The following SH3RF2 variants were observed in gnomAD, a reference collection of about 807,000 sequenced individuals.
SH3RF2 encodes the protein E3 ubiquitin-protein ligase SH3RF2.
SH3RF2 carries 43 observed loss-of-function variants against 59.0 expected under a neutral mutation model. The observed-to-expected ratio is 0.73, with a 90% CI of 0.57 to 0.94. SH3RF2 has a LOEUF of 0.94. Ranked by LOEUF, SH3RF2 falls within the 40% of genes least tolerant of loss-of-function variation. SH3RF2 has a pLI of 0.00. For missense variants in SH3RF2, 930 were observed against 940.1 expected (o/e 0.99, Z 0.14); for synonymous variants, 391 against 391.5 (o/e 1.00, Z 0.01).
chr5:146,009,615 T>A (rs112588226), intron 4 of SH3RF2, among the ~76,000 whole-genome samples: 1 of 152,196 alleles, frequency 6.6e-6, no homozygotes, highest in African/African-American at 2.4e-5. Flanking sequence ...CTCTCTATCA[T>A]GTCAGAGCAC....
At chr5:146,016,423 A>G (rs1761109342) in intron 5 of SH3RF2, among the ~76,000 whole-genome samples, 2 of 150,686 alleles carry the variant, frequency 1.3e-5, no homozygotes, top group Non-Finnish European at 3.0e-5. Flanking sequence ...TGATACATAG[A>G]TAAATAGATA....
At chr5:145,994,581 G>A (rs992529015) in intron 2 of SH3RF2, among the ~76,000 whole-genome samples, 23 of 152,224 alleles carry the variant, frequency 1.5e-4, no homozygotes, top group Admixed American at 6.5e-4. Context: ...AAACAAAAGC[G>A]GAAACCCTTG....
intron 2 of SH3RF2, among the ~76,000 whole-genome samples, chr5:145,946,324 C>T (rs1052813968): frequency 6.6e-6 from 1 of 152,174 alleles, no homozygotes; most frequent in African/African-American, 2.4e-5. Flanking sequence ...ACAGGCAACT[C>T]ATCTTATCTC....
rs147787502 is a variant in SH3RF2 at position 146,056,180 on chromosome 5, T to C, written c.1522T>C (p.Ser508Pro). The C allele has an allele frequency of 3.5e-5, 57 of 1,613,890 alleles. No homozygotes were observed. The highest frequency in any genetic ancestry group is 1.6e-4 in the Middle Eastern group (1 of 6,084). ...TAGPGTLGQG[S>P]LRKGRSSMRK... ...CGGCCCTGGGACTTTAGGACAAGGG[T>C]CTCTTCGGAAAGGGCGGAGCAGCAT... The change falls in exon 8 of 10, where the codon TCT becomes CCT. Residue 508 changes from serine to proline, a missense_variant. By Grantham distance (74) the Ser-to-Pro change is moderately conservative (BLOSUM62 -1). Coordinates refer to ENST00000359120, the MANE Select transcript of SH3RF2 (RefSeq NM_152550.4).
chr5:145,965,783 A>T (rs181629118), intron 2 of SH3RF2, among the ~76,000 whole-genome samples: 140 of 152,366 alleles, frequency 9.2e-4, no homozygotes, highest in African/African-American at 3.3e-3. Flanking sequence ...GTGCGGTCTC[A>T]TCAGAGAGAT....
At chr5:145,972,300 G>A (rs1384263274) in intron 2 of SH3RF2, among the ~76,000 whole-genome samples, 3 of 152,102 alleles carry the variant, frequency 2.0e-5, no homozygotes, top group African/African-American at 7.2e-5. Flanking sequence ...GAAGAGGATG[G>A]GGAATATTCC....
chr5:146,073,667 T>TC (rs1763281933), intron 9 of SH3RF2, among the ~76,000 whole-genome samples: 1 of 152,202 alleles, frequency 6.6e-6, no homozygotes, highest in Non-Finnish European at 1.5e-5. Flanking sequence ...CATTTTTTTT[T>TC]CAACGGATAT....
intron 2 of SH3RF2, among the ~76,000 whole-genome samples, chr5:145,946,424 G>A (rs531067146): frequency 1.2e-4 from 18 of 152,222 alleles, no homozygotes; most frequent in African/African-American, 4.3e-4. Flanking sequence ...ACACAATCAT[G>A]CCTGTGGTAG....
At chr5:146,031,819 A>G (rs11742599) in intron 5 of SH3RF2, among the ~76,000 whole-genome samples, 45,379 of 152,104 alleles carry the variant, frequency 0.3, 7,948 homozygotes, top group Non-Finnish European at 0.39. Flanking sequence ...GGCAGCCACC[A>G]TCCAAGACTG....
chr5:146,074,850 G>A (rs1461548265), intron 9 of SH3RF2, among the ~76,000 whole-genome samples: 1 of 151,480 alleles, frequency 6.6e-6, no homozygotes, highest in East Asian at 1.9e-4. Context: ...GCATTTCAAA[G>A]CCCAGGCTAT....
chr5:145,993,194 C>T (rs1260217488), intron 2 of SH3RF2, among the ~76,000 whole-genome samples: 1 of 152,184 alleles, frequency 6.6e-6, no homozygotes, highest in Non-Finnish European at 1.5e-5. Context: ...CCAGATCACG[C>T]TAATGCAAGA....
intron 2 of SH3RF2, among the ~76,000 whole-genome samples, chr5:145,943,918 C>A (rs1757913747): frequency 1.3e-5 from 2 of 152,144 alleles, no homozygotes; most frequent in Admixed American, 1.3e-4. Context: ...TGTTTCATTT[C>A]CCCTTAGGAA....
intron 2 of SH3RF2, among the ~76,000 whole-genome samples, chr5:145,943,634 G>A (rs1351108770): frequency 6.6e-6 from 1 of 152,156 alleles, no homozygotes; most frequent in African/African-American, 2.4e-5. Flanking sequence ...AGTGATCAGG[G>A]TAATCCCTGC....
chr5:146,002,981 G>A (rs1760488940), intron 3 of SH3RF2, among the ~76,000 whole-genome samples: 2 of 152,204 alleles, frequency 1.3e-5, no homozygotes, highest in South Asian at 4.1e-4. Context: ...GTACCGCTGT[G>A]TAAGAGGAAG....
chr5:145,943,217 C>T (rs1757885318), intron 2 of SH3RF2, among the ~76,000 whole-genome samples: 1 of 147,620 alleles, frequency 6.8e-6, no homozygotes, highest in South Asian at 2.2e-4. Flanking sequence ...CAGAAACATG[C>T]AGGGATCTCC....
chr5:146,046,231 T>C (rs1715391836), intron 5 of SH3RF2, among the ~76,000 whole-genome samples: 1 of 152,138 alleles, frequency 6.6e-6, no homozygotes, highest in Non-Finnish European at 1.5e-5. Context: ...CACACATCAA[T>C]CCATAGACCA....
At chr5:145,955,840 G>T (rs894772807) in intron 2 of SH3RF2, among the ~76,000 whole-genome samples, 6 of 152,268 alleles carry the variant, frequency 3.9e-5, no homozygotes, top group African/African-American at 1.4e-4. Flanking sequence ...TAAAAGAAGA[G>T]AATTGGAAAG....
intron 2 of SH3RF2, chr5:145,997,860 T>C (rs17426499): frequency 0.63 from 728,444 of 1,147,936 alleles, 236,925 homozygotes; most frequent in African/African-American, 0.93. Context: ...CATCTTGAAA[T>C]GCTCAGTGCC....
chr5:146,061,622 G>A (rs1291702188), intron 9 of SH3RF2, among the ~76,000 whole-genome samples: 1 of 152,198 alleles, frequency 6.6e-6, no homozygotes, highest in Non-Finnish European at 1.5e-5. Flanking sequence ...ATTAGGCCCT[G>A]AGATAGAGAC....
Sources: allele counts gnomAD v4.1 joint callset (sites outside exome capture counted in the v4.1 genomes callset), GRCh38; gene constraint gnomAD v4.1.1; transcripts MANE v1.5; gene names NCBI Gene and HGNC (gene_info 2026-07-23, HGNC 2026-07-21).